SV2C: variants seen among roughly 807,000 people sequenced by gnomAD.
SV2C encodes synaptic vesicle glycoprotein 2C, also known as solute carrier family 22 member B3.
In SV2C, 49 loss-of-function variants were observed where a neutral mutation model predicts 79.7. The ratio of observed to expected loss-of-function variants is 0.61; its 90% CI spans 0.49 to 0.78. The LOEUF is 0.78. SV2C is among the 30% of genes least tolerant of loss of function. The pLI is 0.00. For missense variants in SV2C, 833 were observed against 912.9 expected, an observed-to-expected ratio of 0.91 and a Z score of 1.13; for synonymous variants, 334 against 333.2, an observed-to-expected ratio of 1.00 and a Z score of -0.03.
At chr5:75,898,280 A>G in the SV2C span, among the ~76,000 whole-genome samples, 20 of 151,950 alleles carry the variant, frequency 1.3e-4, no homozygotes, top group Non-Finnish European at 2.8e-4. Flanking sequence ...TAGCATGAAG[A>G]TTGTTGAATT....
At chr5:76,144,568 A>G (rs547955703) in intron 2 of SV2C, among the ~76,000 whole-genome samples, 1 of 152,342 alleles carries the variant, frequency 6.6e-6, no homozygotes, top group African/African-American at 2.4e-5. Context: ...CAATTCATGT[A>G]GAAGTGTCTT....
chr5:75,866,276 T>G, the SV2C span, among the ~76,000 whole-genome samples: 1 of 128,210 alleles, frequency 7.8e-6, no homozygotes, highest in African/African-American at 4.3e-5. Flanking sequence ...GTAGTCAGTA[T>G]TATGTAGTTT....
At chr5:76,060,028 A>C in the SV2C span, among the ~76,000 whole-genome samples, 3 of 152,108 alleles carry the variant, frequency 2.0e-5, no homozygotes, top group Admixed American at 2.0e-4. Flanking sequence ...AAAATTTTTT[A>C]ATGAGCAGTA....
At chr5:75,888,890 A>C in the SV2C span, among the ~76,000 whole-genome samples, 1 of 152,070 alleles carries the variant, frequency 6.6e-6, no homozygotes, top group Non-Finnish European at 1.5e-5. Flanking sequence ...GGTGGCTTAA[A>C]CAACAGAAAT....
At chr5:75,998,757 T>C in the SV2C span, among the ~76,000 whole-genome samples, 8 of 151,998 alleles carry the variant, frequency 5.3e-5, no homozygotes, top group Admixed American at 5.3e-4. Flanking sequence ...GACTTTTCAG[T>C]CTCCATAATC....
At chr5:76,121,161 G>A (rs901710343) in intron 1 of SV2C, among the ~76,000 whole-genome samples, 6 of 151,954 alleles carry the variant, frequency 3.9e-5, no homozygotes, top group Admixed American at 2.0e-4. Flanking sequence ...CTGCATAAAT[G>A]TCTTCTTTTG....
the SV2C span, among the ~76,000 whole-genome samples, chr5:76,002,449 G>C: frequency 6.6e-6 from 1 of 152,104 alleles, no homozygotes; most frequent in South Asian, 2.1e-4. Context: ...AGTGGATATG[G>C]GGTTCCTTTG....
intron 1 of SV2C, among the ~76,000 whole-genome samples, chr5:76,128,087 T>C (rs966014363): frequency 1.4e-4 from 21 of 152,144 alleles, no homozygotes; most frequent in African/African-American, 4.8e-4. Context: ...CACTGGAAGG[T>C]GGTTATTATT....
At chr5:75,943,940 T>G in the SV2C span, among the ~76,000 whole-genome samples, 1 of 152,206 alleles carries the variant, frequency 6.6e-6, no homozygotes, top group African/African-American at 2.4e-5. Context: ...TGAGCAGAAG[T>G]GTATCCATGT....
chr5:76,264,955 TTGAGCGC>T (rs2112463026), intron 4 of SV2C, among the ~76,000 whole-genome samples: 1 of 152,298 alleles, frequency 6.6e-6, no homozygotes, highest in South Asian at 2.1e-4. Context: ...TTGGTAGAGC[TTGAGCGC>T]TGTGCTAGGA....
chr5:76,238,653 G>A (rs1037071881), intron 4 of SV2C, among the ~76,000 whole-genome samples: 2 of 152,146 alleles, frequency 1.3e-5, no homozygotes, highest in African/African-American at 4.8e-5. Flanking sequence ...TCTAGCAGCA[G>A]GCAGCCTTTT....
chr5:75,955,931 C>G, the SV2C span, among the ~76,000 whole-genome samples: 2 of 152,032 alleles, frequency 1.3e-5, no homozygotes, highest in South Asian at 2.1e-4. Flanking sequence ...AATAGGAACA[C>G]TTTTACACTG....
chr5:76,087,010 A>G (rs1337183826), intron 1 of SV2C, among the ~76,000 whole-genome samples: 2 of 152,204 alleles, frequency 1.3e-5, no homozygotes, highest in East Asian at 1.9e-4. Context: ...CTTTCTTTCC[A>G]GGAAATAGAG....
chr5:76,250,858 T>C (rs1405954623), intron 4 of SV2C, among the ~76,000 whole-genome samples: 1 of 152,186 alleles, frequency 6.6e-6, no homozygotes. Flanking sequence ...ATTCTCTTTT[T>C]ATAAAAGAGA....
At chr5:75,852,804 C>A in the SV2C span, among the ~76,000 whole-genome samples, 13 of 130,930 alleles carry the variant, frequency 9.9e-5, no homozygotes, top group Non-Finnish European at 1.8e-4. Flanking sequence ...CCAGCCTGGG[C>A]GACAGAGCGA....
chr5:75,871,159 T>C, the SV2C span, among the ~76,000 whole-genome samples: 1 of 152,168 alleles, frequency 6.6e-6, no homozygotes, highest in African/African-American at 2.4e-5. Context: ...ATCATCTAGA[T>C]AGATGCAAAA....
chr5:75,898,979 C>T, the SV2C span, among the ~76,000 whole-genome samples: 1 of 152,024 alleles, frequency 6.6e-6, no homozygotes, highest in Admixed American at 6.6e-5. Context: ...ATTAGTCTTG[C>T]TAGCGGTCTA....
At chr5:76,132,440 A>G (rs1748933792) in intron 2 of SV2C, 110 bp downstream of exon 2, 1 of 1,152,064 alleles carries the variant, frequency 8.7e-7, no homozygotes. Flanking sequence ...ATTTTTTCTA[A>G]CAAATTTTTT....
At chr5:76,300,108 G>A (rs1747929315) in intron 10 of SV2C, among the ~76,000 whole-genome samples, 1 of 151,614 alleles carries the variant, frequency 6.6e-6, no homozygotes, top group African/African-American at 2.4e-5. Flanking sequence ...TGTCATCCAG[G>A]CTGGAGTACA....
Sources: allele counts gnomAD v4.1 joint callset (sites outside exome capture counted in the v4.1 genomes callset), GRCh38; gene constraint gnomAD v4.1.1; transcripts MANE v1.5; gene names NCBI Gene and HGNC (gene_info 2026-07-23, HGNC 2026-07-21).